The following RRN3 variants were observed in gnomAD, a reference collection of about 807,000 sequenced individuals.
The protein encoded by RRN3 is RNA polymerase I-specific transcription initiation factor RRN3.
RRN3 carries 38 observed loss-of-function variants against 82.3 expected under a neutral mutation model. The observed-to-expected ratio is 0.46, with a 90% confidence interval of 0.36 to 0.61. The LOEUF is 0.61. Among genes scored for constraint, RRN3 ranks in the 20% least tolerant of loss-of-function variants. The pLI, the probability that RRN3 is intolerant of heterozygous loss-of-function variation, is 0.00. For synonymous variants in RRN3, 284 were observed against 284.3 expected (o/e 1.00, Z 0.01); for missense variants, 726 against 793.1 (o/e 0.92, Z 1.02).
rs1388828906 is a variant in RRN3, at chr16:15,061,528, CAT to C, written c.*214_*215del. The C allele has an allele frequency of 7.2e-5, 32 of 441,852 alleles. No individual in the cohort carries two copies. The highest frequency in any genetic ancestry group is 5.2e-4 in the East Asian group (16 of 30,630). The allele number at this position is 441,852 out of a possible 1,614,324, so 27.4% of individuals were successfully genotyped here. A position where few individuals can be genotyped will look rare whatever the true frequency, so the allele number is the denominator to read the frequency against. Reference sequence around the variant, plus strand: ...ATCAACCCCACTGTAAAAGATTGCACATGATAGTCTTCATTTTGTCTGTAAGG... The same window carrying C: ...ATCAACCCCACTGTAAAAGATTGCACGATAGTCTTCATTTTGTCTGTAAGG... On this transcript the variant is annotated 3_prime_UTR_variant, in exon 18 of 18. Transcript: ENST00000198767.
In RRN3 at chr16:15,086,254, A is replaced by G. The variant is rs1297554552; in HGVS notation, c.347T>C (p.Leu116Ser). The G allele has an allele frequency of 6.3e-7, 1 of 1,575,992 alleles. No individual in the cohort carries two copies. The highest frequency in any genetic ancestry group is 2.3e-5 in the East Asian group (1 of 44,134). The change falls in exon 5 of 18, where the codon TTG (leucine) becomes TCG (serine). Residue 116 changes from leucine (L) to serine (S), a missense_variant. Around this residue, in one of 4 missense-constraint regions of RRN3, gnomAD observed 344 missense variants for 394.5 expected, o/e 0.87. Coordinates refer to ENST00000198767, the MANE Select transcript of RRN3 (RefSeq NM_018427.5). ...FEQLISIILR[L>S]PWLNRSQTVV... ...TGTTTGACTTCTATTCAACCAAGGC[A>G]ATCTCTAGAGTGGGGGAAGAAAGAT...
In RRN3 at chr16:15,070,405, A is replaced by G. The variant is rs374880650; in HGVS notation, c.1260-151T>C. The G allele has an allele frequency of 2.9e-4, 177 of 617,400 alleles. No homozygotes were observed. In the East Asian group the frequency reaches 4.1e-3, roughly 14 times the overall value. 38.2% of individuals were successfully genotyped at this position (617,400 alleles called of 1,614,324 possible). Reference sequence around the variant, plus strand: ...CCATGGGTACAGAGGAAAAGCAAAGAAAGGAAGGATAAGGATGGGTGCGTA... The same window carrying G: ...CCATGGGTACAGAGGAAAAGCAAAGGAAGGAAGGATAAGGATGGGTGCGTA... On this transcript the variant is annotated intron_variant, in intron 13 of 17. Coordinates refer to ENST00000198767, the MANE Select transcript of RRN3 (RefSeq NM_018427.5).
intron 9 of RRN3, among the ~76,000 whole-genome samples, chr16:15,077,095 T>C (rs1036320557): frequency 6.6e-6 from 1 of 151,592 alleles, no homozygotes; most frequent in Non-Finnish European, 1.5e-5. Context: ...TTCTCCTGCC[T>C]CAGCCTCCCG....
chr16:15,067,236 A>C (rs2045018086), intron 15 of RRN3, among the ~76,000 whole-genome samples: 1 of 151,824 alleles, frequency 6.6e-6, no homozygotes. Flanking sequence ...TTAAGCTATG[A>C]TCCGGCCTAA....
At position 15,073,248 on chromosome 16, in the gene RRN3, C is replaced by T. The variant is rs192510462; in HGVS notation, c.998-168G>A. Among the ~76,000 whole-genome samples the T allele has an allele frequency of 7.4e-4, 113 of 152,238 alleles. No individual in the cohort carries two copies. The highest frequency in any genetic ancestry group is 2.0e-3 in the African/African-American group (85 of 41,548). On this transcript the variant is annotated intron_variant, in intron 11 of 17. Coordinates refer to ENST00000198767, the MANE Select transcript of RRN3 (RefSeq NM_018427.5). ...TGGGAGGCCAAAGTGAGAGGGAGCC[C>T]GGGAGTTCAAGGGCAGCCTGGGGAA...
rs2377198 is a variant in RRN3 at position 15,062,678 on chromosome 16, A to G, written c.1794+518T>C. On this transcript the variant is annotated intron_variant, in intron 17 of 17. Coordinates refer to ENST00000198767, the MANE Select transcript of RRN3 (RefSeq NM_018427.5). ...AGTCAACTGGAGATTGTTACTTGGTAAGAATGCGCAAGTGGCAAAGATCTA... is the reference window on the plus strand; with the variant it reads ...AGTCAACTGGAGATTGTTACTTGGTGAGAATGCGCAAGTGGCAAAGATCTA... Among the ~76,000 whole-genome samples the G allele has an allele frequency of 1.5e-4, 23 of 152,230 alleles. No individual in the cohort carries two copies. The East Asian group carries it at 4.0e-3, about 27-fold the overall frequency.
intron 1 of RRN3, 57 bp downstream of exon 1, chr16:15,094,087 TA>T: frequency 6.8e-7 from 1 of 1,472,698 alleles, no homozygotes; most frequent in Non-Finnish European, 9.3e-7. Flanking sequence ...TCCGCTCCTC[TA>T]AGCGCCGTCC....
chr16:15,079,426 C>T (rs1367934084), intron 9 of RRN3, among the ~76,000 whole-genome samples: 1 of 152,206 alleles, frequency 6.6e-6, no homozygotes. Flanking sequence ...GGTTCTCTAA[C>T]TCATAATGTA....
chr16:15,063,695 ACT>A (rs975693107), intron 16 of RRN3, among the ~76,000 whole-genome samples: 2 of 114,802 alleles, frequency 1.7e-5, no homozygotes, highest in Non-Finnish European at 3.5e-5. Context: ...ACAGAGCAAG[ACT>A]CTGTCTCAAA....
intron 6 of RRN3, 53 bp from the exon 7 acceptor site, chr16:15,084,758 C>G (rs920800931): frequency 9.6e-6 from 12 of 1,248,040 alleles, no homozygotes; most frequent in African/African-American, 1.5e-5. Context: ...TGAAGGGCGA[C>G]ACGCTTGAAG....
intron 3 of RRN3, among the ~76,000 whole-genome samples, chr16:15,090,829 A>G (rs567915238): frequency 2.6e-5 from 4 of 151,812 alleles, no homozygotes; most frequent in Admixed American, 2.6e-4. Flanking sequence ...CTTTTACTAC[A>G]TGATAGGTGT....
intron 9 of RRN3, among the ~76,000 whole-genome samples, chr16:15,078,986 T>C (rs1253570512): frequency 6.6e-6 from 1 of 152,040 alleles, no homozygotes; most frequent in East Asian, 1.9e-4. Context: ...CAATTTTTTG[T>C]ATTTTTAGTG....
rs1356514238 is a variant in RRN3 at position 15,073,155 on chromosome 16, C to T, written c.998-75G>A. On this transcript the variant is annotated intron_variant, in intron 11 of 17. Transcript: ENST00000198767. ...TTTCATCTGCCATATTTTTTATAAA[C>T]ACAACACCATTAAAAAACAACATTA... The T allele has an allele frequency of 1.6e-5, 24 of 1,496,002 alleles. 1 individual carries two copies. The highest frequency in any genetic ancestry group is 5.9e-5 in the South Asian group (5 of 84,830). 92.7% of individuals were successfully genotyped at this position (1,496,002 alleles called of 1,614,324 possible).
At chr16:15,082,944 T>C (rs1284316325) in intron 8 of RRN3, among the ~76,000 whole-genome samples, 1 of 152,212 alleles carries the variant, frequency 6.6e-6, no homozygotes, top group East Asian at 1.9e-4. Flanking sequence ...CATATGAGCA[T>C]AAAGCCACTA....
At chr16:15,079,220 A>C (rs2151798147) in intron 9 of RRN3, among the ~76,000 whole-genome samples, 1 of 152,234 alleles carries the variant, frequency 6.6e-6, no homozygotes, top group Non-Finnish European at 1.5e-5. Context: ...CCTCCAAACC[A>C]GTCTCAAGCA....
rs1414295715 is a variant in RRN3, at chr16:15,068,115, A to G, written c.1553+54T>C. ...TTAACACTCTTACAATACTAGATAA[A>G]CATAAATAAAAATATTTTAAATAAC... is the stretch of plus-strand genomic sequence containing the variant. On this transcript the variant is annotated intron_variant, in intron 15 of 17. Transcript: ENST00000198767. 9.4e-6 allele frequency: 14 copies of G among 1,496,762 alleles called. No individual in the cohort carries two copies. The Admixed American group carries it at 2.2e-4, about 24-fold the overall frequency. The allele number at this position is 1,496,762 out of a possible 1,614,324, so 92.7% of individuals were successfully genotyped here.
At chr16:15,069,103 C>T (rs1567192729) in intron 14 of RRN3, among the ~76,000 whole-genome samples, 2 of 152,160 alleles carry the variant, frequency 1.3e-5, no homozygotes, top group African/African-American at 4.8e-5. Context: ...TGTAGGTAAA[C>T]ATATATAATG....
chr16:15,067,144 C>A (rs1256482526), intron 15 of RRN3, among the ~76,000 whole-genome samples: 4 of 151,184 alleles, frequency 2.6e-5, no homozygotes, highest in Non-Finnish European at 4.4e-5. Flanking sequence ...AGAGAGGACA[C>A]CTTGAACCAG....
chr16:15,068,392 G>T, intron 14 of RRN3, 115 bp from the exon 15 acceptor site: 1 of 1,356,118 alleles, frequency 7.4e-7, no homozygotes, highest in Non-Finnish European at 9.9e-7. Flanking sequence ...AAAATTATTT[G>T]CAGAAATGCT....
Sources: allele counts gnomAD v4.1 joint callset (sites outside exome capture counted in the v4.1 genomes callset), GRCh38; gene constraint gnomAD v4.1.1; regional missense constraint gnomAD v4.1.1; transcripts MANE v1.5; gene names NCBI Gene and HGNC (gene_info 2026-07-23, HGNC 2026-07-21).